Variants in RPRD1A observed in about 807,000 individuals in gnomAD.
RPRD1A encodes the protein regulation of nuclear pre-mRNA domain-containing protein 1A.
Under a neutral mutation model 37.8 loss-of-function variants are expected in RPRD1A, and 9 were observed. That is an observed-to-expected ratio of 0.24 (90% CI 0.14 to 0.42). The LOEUF (loss-of-function observed/expected upper bound fraction) is 0.42. Among genes scored for constraint, RPRD1A ranks in the 10% least tolerant of loss-of-function variants. RPRD1A has a pLI of 1.00. For synonymous variants in RPRD1A, 138 were observed against 139.7 expected (o/e 0.99, Z 0.08); for missense variants, 255 against 371.0 (o/e 0.69, Z 2.57).
chr18:36,029,432 G>A (rs1333175027), intron 4 of RPRD1A, among the ~76,000 whole-genome samples: 3 of 152,072 alleles, frequency 2.0e-5, no homozygotes, highest in South Asian at 4.1e-4. Flanking sequence ...TGTCTGCTTC[G>A]GGACCAGGGC....
At position 36,020,194 on chromosome 18, in the gene RPRD1A, AATG is replaced by A. The variant is rs1179481552; in HGVS notation, c.789+6703_789+6705del. The stretch of plus-strand genomic sequence containing the variant: ...TGCAGTACCAGTCTCCTTAATATGT[AATG>A]ATAAGTCTTAAGGTTGACAAGAAGG... On this transcript the variant is annotated intron_variant, in intron 6 of 6. Transcript: ENST00000399022. Among the ~76,000 whole-genome samples, 3 of 152,194 alleles carry A rather than the reference AATG, an allele frequency of 2.0e-5. No individual in the cohort carries two copies. The East Asian group carries it at 5.8e-4, about 29-fold the overall frequency.
At chr18:36,025,580 C>T (rs1325343098) in intron 6 of RPRD1A, 17 of 1,227,446 alleles carry the variant, frequency 1.4e-5, no homozygotes, top group Non-Finnish European at 1.7e-5. Context: ...TTTTCAAAAA[C>T]ATGAGACAAT....
chr18:36,038,088 C>G (rs1912324180), intron 1 of RPRD1A, among the ~76,000 whole-genome samples: 1 of 152,162 alleles, frequency 6.6e-6, no homozygotes, highest in South Asian at 2.1e-4. Flanking sequence ...AAAGAAAACC[C>G]ATTTTCTGAA....
At chr18:36,008,569 T>TTGTGTGTG (rs138413588) in intron 6 of RPRD1A, among the ~76,000 whole-genome samples, 1,366 of 55,862 alleles carry the variant, frequency 0.024, 79 homozygotes, top group East Asian at 0.043. Context: ...CAGCAAGACC[T>TTGTGTGTG]TGTGTGTGTA....
rs538891163 is a variant in RPRD1A at position 36,033,404 on chromosome 18, C to T, written c.281+304G>A. 2.7e-5 allele frequency among the ~76,000 whole-genome samples: 4 copies of T among 149,432 alleles called. No homozygotes were observed. In the East Asian group the frequency reaches 7.9e-4, roughly 30 times the overall value. On this transcript the variant is annotated intron_variant, in intron 2 of 6. Transcript: ENST00000399022. ...TTTATAAACACACAAATTTTTACTT[C>T]AATACCTTCATTCATTTTTAATGAA...
intron 1 of RPRD1A, among the ~76,000 whole-genome samples, chr18:36,056,284 G>C (rs1222326832): frequency 1.3e-5 from 2 of 151,770 alleles, no homozygotes; most frequent in Non-Finnish European, 1.5e-5. Flanking sequence ...ACAGCCTTTT[G>C]GGTTTTTGTG....
intron 1 of RPRD1A, among the ~76,000 whole-genome samples, chr18:36,060,310 A>G (rs2088881843): frequency 6.6e-6 from 1 of 151,954 alleles, no homozygotes; most frequent in Non-Finnish European, 1.5e-5. Context: ...GCGGGCGCCT[A>G]TAGTCCCAGC....
chr18:36,017,006 T>C lies in RPRD1A; in HGVS notation c.789+9894A>G, dbSNP rs1002646995. ...AACTATGATAAGCATGTACTACTTT[T>C]GCAATAAAAAAAAAAACTGCCAGGT... On this transcript the variant is annotated intron_variant, in intron 6 of 6. Transcript: ENST00000399022. 2.0e-5 allele frequency among the ~76,000 whole-genome samples: 3 copies of C among 148,274 alleles called. No homozygotes were observed. The East Asian group carries it at 5.8e-4, about 29-fold the overall frequency.
At chr18:36,059,766 A>G (rs2088868913) in intron 1 of RPRD1A, among the ~76,000 whole-genome samples, 1 of 152,252 alleles carries the variant, frequency 6.6e-6, no homozygotes, top group Admixed American at 6.5e-5. Context: ...ATCAATTGCA[A>G]TAAATGAACT....
intron 6 of RPRD1A, among the ~76,000 whole-genome samples, chr18:36,022,722 G>T (rs919346021): frequency 6.6e-6 from 1 of 152,098 alleles, no homozygotes; most frequent in Non-Finnish European, 1.5e-5. Flanking sequence ...CAGCACTTTG[G>T]GAGGCCCAGG....
intron 1 of RPRD1A, among the ~76,000 whole-genome samples, chr18:36,062,487 G>A (rs1403330578): frequency 2.0e-5 from 3 of 151,594 alleles, no homozygotes; most frequent in South Asian, 4.1e-4. Context: ...TTGTACAGGA[G>A]TGCTCACAGC....
intron 1 of RPRD1A, among the ~76,000 whole-genome samples, chr18:36,055,429 CAAGT>C (rs1296924736): frequency 6.6e-6 from 1 of 152,160 alleles, no homozygotes; most frequent in African/African-American, 2.4e-5. Context: ...GTACGAGAAT[CAAGT>C]AAGATACATT....
chr18:36,009,637 T>A (rs1910046059), intron 6 of RPRD1A, among the ~76,000 whole-genome samples: 1 of 152,212 alleles, frequency 6.6e-6, no homozygotes, highest in South Asian at 2.1e-4. Context: ...ATTTCCTATG[T>A]CTCTATTTAC....
At chr18:36,050,680 G>A (rs1332172875) in intron 1 of RPRD1A, among the ~76,000 whole-genome samples, 3 of 151,522 alleles carry the variant, frequency 2.0e-5, no homozygotes, top group African/African-American at 7.3e-5. Context: ...GAAACTACAG[G>A]CACACACTAC....
At chr18:36,033,299 C>CAAAAAAA (rs71166085) in intron 2 of RPRD1A, among the ~76,000 whole-genome samples, 2 of 75,940 alleles carry the variant, frequency 2.6e-5, no homozygotes, top group African/African-American at 1.2e-4. Context: ...GACTCTGTCT[C>CAAAAAAA]AAAAAAAAAA....
chr18:36,028,126 CTT>C (rs767817472), intron 4 of RPRD1A: 5 of 151,654 alleles, frequency 3.3e-5, no homozygotes, highest in Non-Finnish European at 7.4e-5. Context: ...TCTTTTTCAT[CTT>C]TCTTTCTTAA....
intron 6 of RPRD1A, chr18:36,025,654 T>A (rs986049565): frequency 7.8e-7 from 1 of 1,288,740 alleles, no homozygotes; most frequent in Admixed American, 2.3e-5. Flanking sequence ...ACGACATCGT[T>A]AGAAGATACG....
Position 36,008,439 on chromosome 18 carries a change from G to A in RPRD1A, c.790-15139C>T, listed in dbSNP as rs556318148. ...GAAAGCACAAAAATTAGCCAGGCAT[G>A]GTAGCATGCATCTGTAGTCCCAGTT... is the stretch of plus-strand genomic sequence containing the variant. On this transcript the variant is annotated intron_variant, in intron 6 of 6. Coordinates refer to ENST00000399022, the MANE Select transcript of RPRD1A (RefSeq NM_018170.5). Among the ~76,000 whole-genome samples the A allele has an allele frequency of 3.3e-5, 5 of 151,296 alleles. No individual in the cohort carries two copies. In the East Asian group the frequency reaches 9.7e-4, roughly 29 times the overall value.
At chr18:36,046,999 A>G (rs1453622603) in intron 1 of RPRD1A, among the ~76,000 whole-genome samples, 7 of 152,092 alleles carry the variant, frequency 4.6e-5, no homozygotes, top group African/African-American at 1.7e-4. Context: ...TGATCTTACA[A>G]AGACTTTAAA....
Sources: gnomAD v4.1 joint callset for allele counts (sites outside exome capture counted in the v4.1 genomes callset) on GRCh38, gnomAD v4.1.1 for gene constraint, MANE v1.5 for transcripts, NCBI Gene and HGNC (gene_info 2026-07-23, HGNC 2026-07-21) for gene names.